The following PHYHIPL variants were observed in gnomAD, a reference collection of about 807,000 sequenced individuals.
The protein encoded by PHYHIPL is phytanoyl-CoA 2-hydroxylase interacting protein like.
PHYHIPL carries 9 observed loss-of-function variants against 33.4 expected under a neutral mutation model. That is an observed-to-expected ratio of 0.27 (90% CI 0.16 to 0.47). The LOEUF is 0.47. PHYHIPL is among the 20% of genes least tolerant of loss of function. The pLI is 0.99. For missense variants in PHYHIPL, 365 were observed against 460.7 expected (o/e 0.79, Z 1.90); for synonymous variants, 153 against 154.1 (o/e 0.99, Z 0.05).
intron 1 of PHYHIPL, among the ~76,000 whole-genome samples, chr10:59,197,590 C>A (rs963863535): frequency 1.3e-5 from 2 of 152,016 alleles, no homozygotes; most frequent in Non-Finnish European, 2.9e-5. Flanking sequence ...CATGTCTGTA[C>A]CTTTGTGCCA....
intron 1 of PHYHIPL, among the ~76,000 whole-genome samples, chr10:59,217,979 G>A (rs906031442): frequency 3.3e-5 from 5 of 151,984 alleles, no homozygotes; most frequent in Non-Finnish European, 4.4e-5. Context: ...CCAGTTGACC[G>A]TCCAAAGAAA....
chr10:59,206,634 G>A (rs1382702081), intron 1 of PHYHIPL: 4 of 246,084 alleles, frequency 1.6e-5, no homozygotes, highest in Non-Finnish European at 2.1e-5. Context: ...GTGTTTAGAC[G>A]CAGAAACATT....
At chr10:59,195,478 T>C (rs1045740520) in intron 1 of PHYHIPL, among the ~76,000 whole-genome samples, 5 of 152,200 alleles carry the variant, frequency 3.3e-5, no homozygotes, top group African/African-American at 1.2e-4. Flanking sequence ...GATTTCATGG[T>C]AATAAGCTGG....
At chr10:59,213,441 A>C (rs924948655) in intron 1 of PHYHIPL, among the ~76,000 whole-genome samples, 16 of 152,148 alleles carry the variant, frequency 1.1e-4, no homozygotes, top group African/African-American at 3.6e-4. Context: ...AATATTTATA[A>C]AAAAATAATA....
At chr10:59,234,833 A>G (rs1840177735) in intron 2 of PHYHIPL, among the ~76,000 whole-genome samples, 1 of 151,874 alleles carries the variant, frequency 6.6e-6, no homozygotes. Context: ...GGGAAATCCA[A>G]AGAAAAGACT....
At chr10:59,225,703 T>C (rs553883267) in intron 1 of PHYHIPL, among the ~76,000 whole-genome samples, 2 of 144,152 alleles carry the variant, frequency 1.4e-5, no homozygotes, top group Non-Finnish European at 3.0e-5. Context: ...TAGTTCTTTT[T>C]TCTCTTCACA....
At chr10:59,207,121 C>T (rs1839306926) in intron 1 of PHYHIPL, among the ~76,000 whole-genome samples, 3 of 152,118 alleles carry the variant, frequency 2.0e-5, no homozygotes, top group Middle Eastern at 3.2e-3. Flanking sequence ...TTAAGAATAT[C>T]ACAGAGGTGG....
intron 4 of PHYHIPL, among the ~76,000 whole-genome samples, chr10:59,241,624 G>A (rs1416212664): frequency 6.6e-6 from 1 of 152,000 alleles, no homozygotes; most frequent in African/African-American, 2.4e-5. Flanking sequence ...TTATATATAT[G>A]TTGCTGTTAT....
intron 1 of PHYHIPL, among the ~76,000 whole-genome samples, chr10:59,198,485 T>C (rs1042156106): frequency 2.0e-5 from 3 of 152,230 alleles, no homozygotes; most frequent in Non-Finnish European, 2.9e-5. Context: ...TCCAAGTCTT[T>C]GCTATTGTGA....
chr10:59,231,261 G>A (rs886331905), intron 1 of PHYHIPL, among the ~76,000 whole-genome samples: 4 of 151,980 alleles, frequency 2.6e-5, no homozygotes, highest in African/African-American at 9.7e-5. Context: ...AGTAAATGTA[G>A]ACAGGCCTAA....
chr10:59,238,465 A>C (rs1327988021), intron 3 of PHYHIPL, 123 bp from the exon 4 acceptor site: 2 of 489,610 alleles, frequency 4.1e-6, no homozygotes, highest in Non-Finnish European at 7.3e-6. Context: ...TTTTAAATGG[A>C]ATTTCCTATT....
chr10:59,247,538 A>G lies in PHYHIPL; in HGVS notation c.*1947A>G, dbSNP rs549028009. ...CTTCCATTTTCATTGTGTCAAAACTACTTAGCAAGGATGGCAGAGGAAAAT... is the reference window on the plus strand; with the variant it reads ...CTTCCATTTTCATTGTGTCAAAACTGCTTAGCAAGGATGGCAGAGGAAAAT... On this transcript the variant is annotated 3_prime_UTR_variant, in exon 5 of 5. Coordinates refer to ENST00000373880, the MANE Select transcript of PHYHIPL (RefSeq NM_032439.4). 1,700 of 1,585,828 alleles carry G rather than the reference A, an allele frequency of 1.1e-3. 4 individuals are homozygous for G. Among genetic ancestry groups the G allele is most frequent in the Admixed American group, 1.7e-3 (102 of 58,754 alleles).
intron 1 of PHYHIPL, among the ~76,000 whole-genome samples, chr10:59,232,126 TCA>T (rs1840099071): frequency 1.3e-5 from 2 of 152,044 alleles, no homozygotes; most frequent in African/African-American, 4.8e-5. Context: ...CCGCATGTTC[TCA>T]CTCATAGGTG....
intron 4 of PHYHIPL, among the ~76,000 whole-genome samples, chr10:59,244,562 C>CAAAAAAAAAAAATAAAAAAAAAAAAA (rs1840566001): frequency 2.5e-5 from 1 of 39,556 alleles, no homozygotes; most frequent in South Asian, 1.6e-3. Flanking sequence ...GACTCTGTCT[C>CAAAAAAAAAAAATAAAAAAAAAAAAA]AAAAAAAAAA....
chr10:59,211,894 T>C (rs1005324452), intron 1 of PHYHIPL, among the ~76,000 whole-genome samples: 9 of 152,102 alleles, frequency 5.9e-5, no homozygotes, highest in African/African-American at 2.2e-4. Context: ...AGAGAAGGAA[T>C]GCAATGGTTT....
chr10:59,176,667 C>T lies in PHYHIPL; in HGVS notation c.-187C>T, dbSNP rs2133167852. 1.4e-5 allele frequency: 8 copies of T among 565,718 alleles called. No individual in the cohort carries two copies. Among genetic ancestry groups the T allele is most frequent in the Non-Finnish European group, 2.2e-5 (7 of 321,332 alleles). 35.0% of individuals were successfully genotyped at this position (565,718 alleles called of 1,614,324 possible). The stretch of plus-strand genomic sequence containing the variant: ...CAGAGCCGCACACTCCGCGGAGCTC[C>T]TGCCACAGCCGTCGCCTTCGCGGCG... On this transcript the variant is annotated 5_prime_UTR_variant, in exon 1 of 5. Transcript: ENST00000373880.
At chr10:59,174,460 C>A (rs1838217717), upstream of PHYHIPL, among the ~76,000 whole-genome samples, 1 of 152,102 alleles carries the variant, frequency 6.6e-6, no homozygotes, top group Non-Finnish European at 1.5e-5. Context: ...TATGTCTTGA[C>A]AATGCCTCGA....
chr10:59,191,025 A>AT (rs1838770067), intron 1 of PHYHIPL, among the ~76,000 whole-genome samples: 2 of 151,862 alleles, frequency 1.3e-5, no homozygotes, highest in South Asian at 2.1e-4. Context: ...CATTCCTGTG[A>AT]TTTTTTATGT....
chr10:59,233,729 G>C (rs1385402284), intron 1 of PHYHIPL, among the ~76,000 whole-genome samples: 1 of 151,544 alleles, frequency 6.6e-6, no homozygotes, highest in East Asian at 1.9e-4. Context: ...AGCCTTATTT[G>C]TTATTTCAGC....
Sources: gnomAD v4.1 joint callset for allele counts (sites outside exome capture counted in the v4.1 genomes callset) on GRCh38, gnomAD v4.1.1 for gene constraint, MANE v1.5 for transcripts, NCBI Gene and HGNC (gene_info 2026-07-23, HGNC 2026-07-21) for gene names.